Variants in CST3 observed in about 807,000 individuals in gnomAD.
The protein encoded by CST3 is cystatin-C.
In CST3, 14 loss-of-function variants were observed where a neutral mutation model predicts 9.0. That is an observed-to-expected ratio of 1.56 (90% CI 1.03 to 2.44). The LOEUF (loss-of-function observed/expected upper bound fraction) is 2.44, where lower values mean the gene tolerates loss of function less well. Among genes scored for constraint, CST3 ranks in the 30% most tolerant of loss-of-function variants. The pLI is 0.00. For missense variants in CST3, 237 were observed against 204.3 expected (o/e 1.16, Z -0.98); for synonymous variants, 96 against 90.2 (o/e 1.06, Z -0.37).
At chr20:23,636,377 C>G (rs1352490465) in intron 1 of CST3, among the ~76,000 whole-genome samples, 1 of 152,170 alleles carries the variant, frequency 6.6e-6, no homozygotes, top group Admixed American at 6.5e-5. Flanking sequence ...CCCGATCCGA[C>G]CCCCTACTCC....
rs763484282 is a variant in CST3 at position 23,635,373 on chromosome 20, C to T, written c.244-6G>A. 1.6e-5 allele frequency: 26 copies of T among 1,612,684 alleles called. No homozygotes were observed. The Middle Eastern group carries it at 9.9e-4, about 61-fold the overall frequency. Reference sequence around the variant, plus strand: ...TAGTTCACCCCAGCTACGATCTACACATGTGAAAGAGCAGGAGGCAGGGAC... The same window carrying T: ...TAGTTCACCCCAGCTACGATCTACATATGTGAAAGAGCAGGAGGCAGGGAC... On this transcript the variant is annotated splice_region_variant and splice_polypyrimidine_tract_variant and intron_variant, in intron 1 of 2. Transcript: ENST00000376925.
At chr20:23,635,981 G>T (rs1979656971) in intron 1 of CST3, among the ~76,000 whole-genome samples, 1 of 152,156 alleles carries the variant, frequency 6.6e-6, no homozygotes, top group Non-Finnish European at 1.5e-5. Context: ...GGAGAAGCAT[G>T]GGATGAGGGA....
At chr20:23,634,857 A>C (rs753687793) in intron 2 of CST3, among the ~76,000 whole-genome samples, 2 of 151,982 alleles carry the variant, frequency 1.3e-5, no homozygotes, top group Non-Finnish European at 2.9e-5. Context: ...ATGAATCCAC[A>C]TACTCCCTCA....
Position 23,637,808 on chromosome 20 carries a change from G to T in CST3, c.55C>A (p.Leu19Met). The T allele has an allele frequency of 1.3e-6, 2 of 1,482,446 alleles. No homozygotes were observed. Among genetic ancestry groups the T allele is most frequent in the South Asian group, 1.3e-5 (1 of 79,488 alleles). 91.8% of individuals were successfully genotyped at this position (1,482,446 alleles called of 1,614,324 possible). A position where few individuals can be genotyped will look rare whatever the true frequency, so the allele number is the denominator to read the frequency against. Residue 19 changes from leucine to methionine, a missense_variant, in exon 1 of 3, where the codon CTG (leucine) becomes ATG (methionine). Transcript: ENST00000376925. ...GAGCCGGCCGCGGGGCTCACGGCCA[G>T]GGCCACGGCCAGGATGGCCAGCAGG... ...LLLLAILAVA[L>M]AVSPAAGSSP...
rs1979759667 is a variant in CST3, at chr20:23,637,823, T to G, written c.40A>C (p.Ile14Leu). The G allele has an allele frequency of 2.7e-6, 4 of 1,485,718 alleles. No individual in the cohort carries two copies. The highest frequency in any genetic ancestry group is 1.5e-5 in the African/African-American group (1 of 67,762). The allele number at this position is 1,485,718 out of a possible 1,614,324, so 92.0% of individuals were successfully genotyped here. ...PLRAPLLLLAILAVALAVSPA... is the reference protein window; with the variant it reads ...PLRAPLLLLALLAVALAVSPA... ...CTCACGGCCAGGGCCACGGCCAGGA[T>G]GGCCAGCAGGAGCAGCGGGGCGCGC... Residue 14 changes from isoleucine to leucine, a missense_variant, in exon 1 of 3, where the codon ATC becomes CTC. Ile to Leu is a conservative substitution (Grantham distance 5). Coordinates refer to ENST00000376925, the MANE Select transcript of CST3 (RefSeq NM_000099.4).
At position 23,633,736 on chromosome 20, in the gene CST3, G is replaced by A. The variant is rs1979539419; in HGVS notation, c.*180C>T. ...GCTATGAGAAGCAAGAAGGAAGGAG[G>A]GAGGGCAGAGCCCCTTGCTGAGCAA... On this transcript the variant is annotated 3_prime_UTR_variant, in exon 3 of 3. Coordinates refer to ENST00000376925, the MANE Select transcript of CST3 (RefSeq NM_000099.4). 2 of 685,136 alleles carry A rather than the reference G, an allele frequency of 2.9e-6. No homozygotes were observed. The allele number at this position is 685,136 out of a possible 1,614,324, so 42.4% of individuals were successfully genotyped here.
At chr20:23,633,166 G>C (rs1176636642), downstream of CST3, among the ~76,000 whole-genome samples, 2 of 152,136 alleles carry the variant, frequency 1.3e-5, no homozygotes, top group East Asian at 3.9e-4. Context: ...TTCCACGTAG[G>C]GGCCTAAGTC....
chr20:23,637,893 G>A lies in CST3; in HGVS notation c.-31C>T. 7 of 1,382,782 alleles carry A rather than the reference G, an allele frequency of 5.1e-6. No individual in the cohort carries two copies. Among genetic ancestry groups the A allele is most frequent in the Non-Finnish European group, 4.6e-6 (5 of 1,078,816 alleles). 85.7% of individuals were successfully genotyped at this position (1,382,782 alleles called of 1,614,324 possible). On this transcript the variant is annotated 5_prime_UTR_variant, in exon 1 of 3. Transcript: ENST00000376925. ...GCTAGGACGCGGGACGCGGGGAGTG[G>A]GGCGCAGGCGAGAGGCTGGAGCTAG...
chr20:23,635,982 G>C (rs1314673061), intron 1 of CST3, among the ~76,000 whole-genome samples: 1 of 152,146 alleles, frequency 6.6e-6, no homozygotes, highest in Non-Finnish European at 1.5e-5. Context: ...GAGAAGCATG[G>C]GATGAGGGAC....
downstream of CST3, among the ~76,000 whole-genome samples, chr20:23,630,378 T>C (rs2122459809): frequency 1.3e-5 from 2 of 152,322 alleles, no homozygotes; most frequent in South Asian, 4.1e-4. Context: ...TGACAGGATT[T>C]GGAAGTGACC....
downstream of CST3, among the ~76,000 whole-genome samples, chr20:23,631,184 A>G (rs1467277170): frequency 6.6e-6 from 1 of 152,204 alleles, no homozygotes; most frequent in East Asian, 1.9e-4. Context: ...AAATGGAGTA[A>G]TTAAAAAAAT....
chr20:23,627,960 G>A (rs1979312550), exon 4 of CST3: 1 of 151,992 alleles, frequency 6.6e-6, no homozygotes, highest in African/African-American at 2.4e-5. Flanking sequence ...TGGGTTACCA[G>A]TCTTATTGAG....
Position 23,637,771 on chromosome 20 carries a change from T to A in CST3, c.92A>T (p.Lys31Met). The change falls in exon 1 of 3, where the codon AAG becomes ATG. Residue 31 changes from lysine to methionine, a missense_variant. Physicochemically the swap from Lys to Met is moderately conservative, Grantham distance 95. Transcript: ENST00000376925. ...GGGGCCTCCCACTAGGCGCGGCGGC[T>A]TGCCGGGACTGGAGCCGGCCGCGGG... ...VSPAAGSSPG[K>M]PPRLVGGPMD... 6.5e-7 allele frequency: 1 copy of A among 1,529,328 alleles called. No individual in the cohort carries two copies. The highest frequency in any genetic ancestry group is 8.8e-7 in the Non-Finnish European group (1 of 1,139,348). The allele number at this position is 1,529,328 out of a possible 1,614,324, so 94.7% of individuals were successfully genotyped here.
chr20:23,635,515 C>T, intron 1 of CST3, 148 bp from the exon 2 acceptor site: 1 of 713,846 alleles, frequency 1.4e-6, no homozygotes, highest in East Asian at 2.7e-5. Flanking sequence ...CTGCAAGGCA[C>T]ACAAGCCACC....
chr20:23,637,510 G>C (rs1482665700), intron 1 of CST3, 110 bp downstream of exon 1: 11 of 1,102,358 alleles, frequency 1.0e-5, no homozygotes, highest in Non-Finnish European at 1.2e-6. Context: ...ACAGGGTCCG[G>C]GTGAGAAGCC....
chr20:23,633,770 G>A lies in CST3; in HGVS notation c.*146C>T, dbSNP rs1220893358. On this transcript the variant is annotated 3_prime_UTR_variant, in exon 3 of 3. Transcript: ENST00000376925. ...AGCCCCTTGCTGAGCAACAAAGGCC[G>A]CCTGCTGCCTTCTCTGTCTGTCTCC... The A allele has an allele frequency of 1.1e-5, 8 of 744,954 alleles. No individual in the cohort carries two copies. The highest frequency in any genetic ancestry group is 5.2e-5 in the East Asian group (2 of 38,380). 46.1% of individuals were successfully genotyped at this position (744,954 alleles called of 1,614,324 possible).
At chr20:23,631,155 T>TA (rs1979438999), downstream of CST3, among the ~76,000 whole-genome samples, 1 of 152,092 alleles carries the variant, frequency 6.6e-6, no homozygotes. Context: ...ACCTAAAAGA[T>TA]ACAAAAATAT....
At position 23,636,090 on chromosome 20, in the gene CST3, C is replaced by T. The variant is rs191903645; in HGVS notation, c.244-723G>A. Reference sequence around the variant, plus strand: ...TGATCCCTCTGGTGTCAGTCTGCTCCTCTGTAAAATAGGCTCCAGGGCCCA... The same window carrying T: ...TGATCCCTCTGGTGTCAGTCTGCTCTTCTGTAAAATAGGCTCCAGGGCCCA... On this transcript the variant is annotated intron_variant, in intron 1 of 2. Transcript: ENST00000376925. 3.9e-3 allele frequency among the ~76,000 whole-genome samples: 587 copies of T among 152,252 alleles called. 1 individual carries two copies. The highest frequency in any genetic ancestry group is 0.013 in the African/African-American group (554 of 41,534).
At chr20:23,631,368 G>T (rs146168664), downstream of CST3, among the ~76,000 whole-genome samples, 114 of 152,266 alleles carry the variant, frequency 7.5e-4, no homozygotes, top group African/African-American at 2.6e-3. Context: ...TATTTCATCT[G>T]CTGTTTACTG....
Sources: gnomAD v4.1 joint callset for allele counts (sites outside exome capture counted in the v4.1 genomes callset) on GRCh38, gnomAD v4.1.1 for gene constraint, MANE v1.5 for transcripts, NCBI Gene and HGNC (gene_info 2026-07-23, HGNC 2026-07-21) for gene names.